The following MAST2 variants were observed in gnomAD, a reference collection of about 807,000 sequenced individuals.
MAST2 encodes the protein microtubule-associated serine/threonine-protein kinase 2.
Under a neutral mutation model 147.4 loss-of-function variants are expected in MAST2, and 70 were observed. That is an observed-to-expected ratio of 0.47 (90% CI 0.39 to 0.58). The LOEUF (loss-of-function observed/expected upper bound fraction) is 0.58. Among genes scored for constraint, MAST2 ranks in the 20% least tolerant of loss-of-function variants. MAST2 has a pLI of 0.00. For synonymous variants in MAST2, 869 were observed against 896.8 expected, an observed-to-expected ratio of 0.97 and a Z score of 0.55; for missense variants, 2,080 against 2,302.3, an observed-to-expected ratio of 0.90 and a Z score of 1.98.
chr1:46,032,469 G>C, intron 25 of MAST2, 65 bp downstream of exon 25: 1 of 1,601,898 alleles, frequency 6.2e-7, no homozygotes. Flanking sequence ...CCCCTTTGTG[G>C]AGCCCATCTG....
chr1:45,878,583 A>C (rs1296991875), intron 3 of MAST2, among the ~76,000 whole-genome samples: 1 of 152,186 alleles, frequency 6.6e-6, no homozygotes, highest in Non-Finnish European at 1.5e-5. Context: ...TATAGAAGAT[A>C]TGATTGTTTA....
intron 4 of MAST2, among the ~76,000 whole-genome samples, chr1:45,904,590 C>T (rs906393600): frequency 2.6e-5 from 4 of 151,984 alleles, no homozygotes; most frequent in African/African-American, 7.3e-5. Context: ...TTAGCCCCCC[C>T]AAGTAGCTGG....
Position 46,023,214 on chromosome 1 carries a change from CT to C in MAST2, c.1486-15del. On this transcript the variant is annotated intron_variant, in intron 13 of 28. Coordinates refer to ENST00000361297, the MANE Select transcript of MAST2 (RefSeq NM_015112.3). This position sits in a 1 kb window ranked among gnomAD's most constrained non-coding sequence, Gnocchi z 4.9. ...TCTGAGAAGCATGCCTGTCTCCTGC[CT>C]TTTCCCTTGTCTTCCAGGGCCATGG... The C allele has an allele frequency of 1.2e-6, 2 of 1,609,584 alleles. No individual in the cohort carries two copies. The highest frequency in any genetic ancestry group is 1.7e-6 in the Non-Finnish European group (2 of 1,175,844).
rs184895354 is a variant in MAST2, at chr1:45,947,785, C to T, written c.501-11601C>T. ...AAGCTGGAGTGTAGAGGGCCCATCT[C>T]GGCCCACTGCAAGCTCCACCTCCCA... On this transcript the variant is annotated intron_variant, in intron 4 of 28. Coordinates refer to ENST00000361297, the MANE Select transcript of MAST2 (RefSeq NM_015112.3). 1.6e-3 allele frequency among the ~76,000 whole-genome samples: 243 copies of T among 152,320 alleles called. 1 individual carries two copies. Among genetic ancestry groups the T allele is most frequent in the Non-Finnish European group, 2.1e-3 (142 of 68,026 alleles).
chr1:45,926,100 A>G (rs1180769432), intron 4 of MAST2, among the ~76,000 whole-genome samples: 1 of 152,184 alleles, frequency 6.6e-6, no homozygotes, highest in African/African-American at 2.4e-5. Context: ...GTAATTTCAA[A>G]AGAGGAACAT....
In MAST2 at chr1:45,885,179, T is replaced by C. The variant is rs1457272209; in HGVS notation, c.500+2784T>C. On this transcript the variant is annotated intron_variant, in intron 4 of 28. Coordinates refer to ENST00000361297, the MANE Select transcript of MAST2 (RefSeq NM_015112.3). ...ATTTTTAAAGTTTCTATAATTGTCA[T>C]TTAAGTCTTGGTCAGAAGGAGGGGG... Among the ~76,000 whole-genome samples the C allele has an allele frequency of 2.0e-5, 3 of 152,206 alleles. No homozygotes were observed. The East Asian group carries it at 5.8e-4, about 29-fold the overall frequency.
chr1:45,925,704 T>G (rs1654252653), intron 4 of MAST2, among the ~76,000 whole-genome samples: 1 of 152,230 alleles, frequency 6.6e-6, no homozygotes. Context: ...AGGAAATCCT[T>G]ACTAGAGTGA....
In MAST2 at chr1:45,974,859, C is replaced by A. The variant is rs745342036; in HGVS notation, c.592+15382C>A. Among the ~76,000 whole-genome samples the A allele has an allele frequency of 2.8e-4, 42 of 152,268 alleles. 1 individual carries two copies. In the Middle Eastern group the frequency reaches 0.034, roughly 123 times the overall value. On this transcript the variant is annotated intron_variant, in intron 5 of 28. Transcript: ENST00000361297. ...TTGTGTGAAGATACTGAAATTACTC[C>A]TGACAGAAGGCATGATAAAAAGAAT...
At chr1:45,847,966 T>C (rs567639602) in intron 3 of MAST2, among the ~76,000 whole-genome samples, 2 of 152,344 alleles carry the variant, frequency 1.3e-5, no homozygotes, top group South Asian at 4.1e-4. Flanking sequence ...ATATAATTAC[T>C]AGTGATAGTT....
chr1:45,828,866 A>G (rs1570265288), intron 2 of MAST2, among the ~76,000 whole-genome samples: 1 of 151,992 alleles, frequency 6.6e-6, no homozygotes, highest in African/African-American at 2.4e-5. Flanking sequence ...AGAGGTTGCA[A>G]TGAGCTGAGA....
At chr1:45,834,514 A>G (rs1167006836) in intron 3 of MAST2, among the ~76,000 whole-genome samples, 2 of 152,152 alleles carry the variant, frequency 1.3e-5, no homozygotes, top group African/African-American at 4.8e-5. Context: ...TTCCCAGGGC[A>G]TGTTCTAAAA....
At chr1:45,912,863 G>C (rs1462052256) in intron 4 of MAST2, among the ~76,000 whole-genome samples, 4 of 152,132 alleles carry the variant, frequency 2.6e-5, no homozygotes, top group Non-Finnish European at 4.4e-5. Flanking sequence ...CTTTTATAGT[G>C]CTTTCTCTGT....
chr1:45,805,464 G>A (rs1644114768), intron 1 of MAST2, among the ~76,000 whole-genome samples: 1 of 152,140 alleles, frequency 6.6e-6, no homozygotes, highest in South Asian at 2.1e-4. Context: ...TAGCTGCTGA[G>A]CATTGTCCTC....
chr1:45,912,538 A>G (rs1012612372), intron 4 of MAST2, among the ~76,000 whole-genome samples: 2 of 152,212 alleles, frequency 1.3e-5, no homozygotes, highest in Non-Finnish European at 2.9e-5. Context: ...TGTGACCCAC[A>G]TTTGAAAAAG....
chr1:45,934,152 T>C (rs1006814414), intron 4 of MAST2, among the ~76,000 whole-genome samples: 10 of 152,110 alleles, frequency 6.6e-5, no homozygotes, highest in Non-Finnish European at 7.4e-5. Flanking sequence ...CTCCCACTTA[T>C]AGGTGAGAAC....
chr1:45,965,051 A>C lies in MAST2; in HGVS notation c.592+5574A>C, dbSNP rs986737833. Among the ~76,000 whole-genome samples the C allele has an allele frequency of 2.0e-5, 3 of 152,082 alleles. 1 individual carries two copies. In the East Asian group the frequency reaches 5.8e-4, roughly 29 times the overall value. ...ATTTTGAGTGAGTTTCTTAATCCTGAGTTCTAGTTTGATTGCACTGTGGTG... is the reference window on the plus strand; with the variant it reads ...ATTTTGAGTGAGTTTCTTAATCCTGCGTTCTAGTTTGATTGCACTGTGGTG... On this transcript the variant is annotated intron_variant, in intron 5 of 28. Transcript: ENST00000361297.
At chr1:45,935,172 G>A (rs1440657509) in intron 4 of MAST2, among the ~76,000 whole-genome samples, 5 of 152,124 alleles carry the variant, frequency 3.3e-5, no homozygotes, top group Admixed American at 1.3e-4. Context: ...GCATGTTGTC[G>A]TGTTTGTTGG....
At chr1:45,810,810 CA>C (rs909997197) in intron 1 of MAST2, among the ~76,000 whole-genome samples, 747 of 35,594 alleles carry the variant, frequency 0.021, 2 homozygotes, top group African/African-American at 0.063. Flanking sequence ...GACTCCATCT[CA>C]AAAAAAAAAA....
At chr1:45,946,163 G>A (rs1157203658) in intron 4 of MAST2, among the ~76,000 whole-genome samples, 1 of 152,150 alleles carries the variant, frequency 6.6e-6, no homozygotes, top group Non-Finnish European at 1.5e-5. Flanking sequence ...AGAATCTGAG[G>A]CAGTGCCCAG....
Sources: allele counts gnomAD v4.1 joint callset (sites outside exome capture counted in the v4.1 genomes callset), GRCh38; gene constraint gnomAD v4.1.1; non-coding constraint Gnocchi (gnomAD v3.1); transcripts MANE v1.5; gene names NCBI Gene and HGNC (gene_info 2026-07-23, HGNC 2026-07-21).